The following CLIP1 variants were observed in gnomAD, a reference collection of about 807,000 sequenced individuals.
CLIP1 encodes the protein CAP-Gly domain containing linker protein 1, also known as CAP-Gly domain-containing linker protein 1.
CLIP1 carries 66 observed loss-of-function variants against 161.6 expected under a neutral mutation model. That is an observed-to-expected ratio of 0.41 (90% CI 0.33 to 0.50). CLIP1 has a LOEUF of 0.50. Among genes scored for constraint, CLIP1 ranks in the 20% least tolerant of loss-of-function variants. The pLI, the probability that CLIP1 is intolerant of heterozygous loss-of-function variation, is 0.27. For missense variants in CLIP1, 1,376 were observed against 1,702.0 expected, an observed-to-expected ratio of 0.81 and a Z score of 3.37; for synonymous variants, 598 against 626.2, an observed-to-expected ratio of 0.96 and a Z score of 0.67.
intron 1 of CLIP1, among the ~76,000 whole-genome samples, chr12:122,397,985 T>C (rs920643356): frequency 4.0e-5 from 6 of 151,558 alleles, no homozygotes; most frequent in Non-Finnish European, 7.4e-5. Context: ...GAAAATTAAC[T>C]TATCAGTTTC....
chr12:122,360,894 G>A (rs1265991024), intron 5 of CLIP1, 65 bp downstream of exon 5: 2 of 1,316,342 alleles, frequency 1.5e-6, no homozygotes, highest in Non-Finnish European at 2.1e-6. Context: ...GCAAAGCAGG[G>A]GCACTGACCA....
chr12:122,347,162 C>T (rs1952789989), intron 10 of CLIP1, among the ~76,000 whole-genome samples: 1 of 152,096 alleles, frequency 6.6e-6, no homozygotes, highest in Non-Finnish European at 1.5e-5. Flanking sequence ...GGTTGGGTTA[C>T]CAAAGGAATG....
intron 1 of CLIP1, among the ~76,000 whole-genome samples, chr12:122,421,888 C>T (rs1407943336): frequency 6.6e-6 from 1 of 152,232 alleles, no homozygotes; most frequent in Non-Finnish European, 1.5e-5. Flanking sequence ...GTAGAAGGTT[C>T]GGATTACCGG....
intron 10 of CLIP1, among the ~76,000 whole-genome samples, chr12:122,346,426 G>A (rs755707230): frequency 6.6e-6 from 1 of 152,174 alleles, no homozygotes; most frequent in Non-Finnish European, 1.5e-5. Flanking sequence ...CAAGGGCTAA[G>A]CACAATGAGC....
At chr12:122,346,828 C>T (rs1051848373) in intron 10 of CLIP1, among the ~76,000 whole-genome samples, 4 of 152,044 alleles carry the variant, frequency 2.6e-5, no homozygotes, top group African/African-American at 7.3e-5. Context: ...ATCCCCCGAG[C>T]GACAGGAAGG....
chr12:122,406,008 A>C (rs1338562742), intron 1 of CLIP1, among the ~76,000 whole-genome samples: 3 of 152,162 alleles, frequency 2.0e-5, no homozygotes, highest in Non-Finnish European at 4.4e-5. Context: ...CAGAGGTTGC[A>C]GTGAGCCTAG....
chr12:122,319,497 G>C, intron 17 of CLIP1, 149 bp from the exon 18 acceptor site: 1 of 615,284 alleles, frequency 1.6e-6, no homozygotes, highest in Non-Finnish European at 2.9e-6. Context: ...ATCCAGTGCT[G>C]AAACAGACGG....
At chr12:122,332,864 G>C in intron 15 of CLIP1, 123 bp downstream of exon 15, 2 of 745,484 alleles carry the variant, frequency 2.7e-6, no homozygotes, top group Non-Finnish European at 4.2e-6. Context: ...GGTAATAACA[G>C]AAAAGAACAG....
intron 1 of CLIP1, among the ~76,000 whole-genome samples, chr12:122,420,990 T>G (rs575586666): frequency 6.6e-6 from 1 of 150,974 alleles, no homozygotes; most frequent in East Asian, 2.0e-4. Flanking sequence ...CTAGCCTTGC[T>G]TTTTGCCACA....
intron 5 of CLIP1, among the ~76,000 whole-genome samples, chr12:122,357,541 C>G (rs1322716382): frequency 6.9e-6 from 1 of 144,690 alleles, no homozygotes; most frequent in African/African-American, 2.6e-5. Flanking sequence ...CCAGCCGCCC[C>G]GTCCGGGAGG....
chr12:122,361,958 AT>A (rs879595634), intron 4 of CLIP1, among the ~76,000 whole-genome samples: 237 of 146,258 alleles, frequency 1.6e-3, no homozygotes, highest in African/African-American at 1.6e-3. Flanking sequence ...AAAATGTATA[AT>A]TTTTTTTTTT....
intron 24 of CLIP1, chr12:122,275,851 C>T (rs917731643): frequency 1.3e-5 from 2 of 152,138 alleles, no homozygotes; most frequent in Non-Finnish European, 2.9e-5. Flanking sequence ...AAGGCTAAAG[C>T]TCCCTCCCAA....
chr12:122,308,917 AAG>A (rs1389387831), intron 20 of CLIP1, among the ~76,000 whole-genome samples: 5 of 152,198 alleles, frequency 3.3e-5, no homozygotes, highest in African/African-American at 1.2e-4. Flanking sequence ...AATCCATCCC[AAG>A]TAAGAATTAA....
At chr12:122,420,133 G>A (rs910519135) in intron 1 of CLIP1, among the ~76,000 whole-genome samples, 1 of 151,758 alleles carries the variant, frequency 6.6e-6, no homozygotes, top group Non-Finnish European at 1.5e-5. Context: ...CCTGAGGTCA[G>A]GTGTGATCAG....
At chr12:122,336,001 T>C (rs1455285927) in intron 12 of CLIP1, among the ~76,000 whole-genome samples, 1 of 152,098 alleles carries the variant, frequency 6.6e-6, no homozygotes, top group African/African-American at 2.4e-5. Flanking sequence ...GCACTACTCA[T>C]GAGTATCAGC....
intron 20 of CLIP1, among the ~76,000 whole-genome samples, chr12:122,288,808 CTTTTTTTTTTTT>C (rs200069106): frequency 2.3e-4 from 26 of 114,434 alleles, no homozygotes; most frequent in East Asian, 6.8e-4. Flanking sequence ...CGAAGCACAT[CTTTTTTTTTTTT>C]TTTTTTTTTT....
At chr12:122,345,176 C>CTTT (rs559964564) in intron 10 of CLIP1, among the ~76,000 whole-genome samples, 63 of 141,592 alleles carry the variant, frequency 4.4e-4, no homozygotes, top group African/African-American at 1.5e-3. Context: ...CAAATTGCCA[C>CTTT]TTTTTTTTTT....
At chr12:122,370,957 C>CAAA (rs536221571) in intron 3 of CLIP1, among the ~76,000 whole-genome samples, 1 of 67,566 alleles carries the variant, frequency 1.5e-5, no homozygotes, top group Admixed American at 1.7e-4. Flanking sequence ...GACTCTGTCT[C>CAAA]AAAAAAAAAA....
intron 1 of CLIP1, among the ~76,000 whole-genome samples, chr12:122,410,306 T>A (rs1200212245): frequency 6.6e-6 from 1 of 152,186 alleles, no homozygotes; most frequent in Non-Finnish European, 1.5e-5. Context: ...AAATATCTGC[T>A]AAATATAGAA....
Sources: allele counts gnomAD v4.1 joint callset (sites outside exome capture counted in the v4.1 genomes callset), GRCh38; gene constraint gnomAD v4.1.1; transcripts MANE v1.5; gene names NCBI Gene and HGNC (gene_info 2026-07-23, HGNC 2026-07-21).